The following COG5 variants were observed in gnomAD, a reference collection of about 807,000 sequenced individuals.
COG5 encodes component of oligomeric golgi complex 5, also known as conserved oligomeric Golgi complex subunit 5.
A neutral mutation model predicts 110.4 loss-of-function variants in COG5; 86 were observed. The observed-to-expected ratio is 0.78, with a 90% CI of 0.65 to 0.93. The LOEUF is 0.93. COG5 is among the 40% of genes least tolerant of loss of function. The pLI, the probability that COG5 is intolerant of heterozygous loss-of-function variation, is 0.00. For missense variants in COG5, 1,077 were observed against 987.0 expected (o/e 1.09, Z -1.22); for synonymous variants, 360 against 334.6 (o/e 1.08, Z -0.83).
intron 6 of COG5, among the ~76,000 whole-genome samples, chr7:107,429,385 A>AC (rs757439381): frequency 1.3e-5 from 2 of 151,530 alleles, no homozygotes; most frequent in Non-Finnish European, 2.9e-5. Context: ...AATGATACTG[A>AC]CCACCTTTTC....
chr7:107,528,246 C>CA (rs550296999), intron 5 of COG5, among the ~76,000 whole-genome samples: 52 of 152,176 alleles, frequency 3.4e-4, no homozygotes, highest in African/African-American at 1.2e-3. Context: ...CGTGTGCCAC[C>CA]ATGCCTGGCT....
rs543666950 is a variant in COG5, at chr7:107,354,478, A to G, written c.1026+7555T>C. 5.9e-4 allele frequency among the ~76,000 whole-genome samples: 90 copies of G among 152,076 alleles called. 1 individual carries two copies. The highest frequency in any genetic ancestry group is 1.1e-3 in the Non-Finnish European group (77 of 67,898). ...CGGATCATGAGGTCAGGAGTTCGAG[A>G]CCAGTCCTACCCATATGGTGAAACT... On this transcript the variant is annotated intron_variant, in intron 10 of 21. Coordinates refer to ENST00000297135, the MANE Select transcript of COG5 (RefSeq NM_006348.5).
chr7:107,526,727 A>AC (rs1161673809), intron 6 of COG5, among the ~76,000 whole-genome samples: 1 of 152,256 alleles, frequency 6.6e-6, no homozygotes, highest in East Asian at 1.9e-4. Flanking sequence ...AACTATTAGT[A>AC]CACCCCAAAA....
chr7:107,412,750 C>A, intron 6 of COG5, 118 bp from the exon 7 acceptor site: 1 of 661,742 alleles, frequency 1.5e-6, no homozygotes, highest in Non-Finnish European at 2.5e-6. Context: ...AACAGGGTTG[C>A]CATTCAAAAT....
intron 1 of COG5, 79 bp from the exon 2 acceptor site, chr7:107,558,194 T>C: frequency 1.4e-6 from 2 of 1,438,242 alleles, no homozygotes; most frequent in Non-Finnish European, 1.9e-6. Flanking sequence ...ACAATTATAA[T>C]CATAATTAAC....
At chr7:107,531,887 C>T (rs1472512784) in intron 5 of COG5, among the ~76,000 whole-genome samples, 1 of 152,038 alleles carries the variant, frequency 6.6e-6, no homozygotes, top group East Asian at 1.9e-4. Flanking sequence ...TCACCCAAAG[C>T]CTATTCAAGT....
intron 6 of COG5, among the ~76,000 whole-genome samples, chr7:107,497,211 G>A (rs770954124): frequency 1.8e-4 from 27 of 152,106 alleles, no homozygotes; most frequent in Admixed American, 7.2e-4. Context: ...GCAAGGCCCT[G>A]TCTCTACAAA....
At chr7:107,507,114 T>C (rs1007424380) in intron 6 of COG5, among the ~76,000 whole-genome samples, 9 of 152,150 alleles carry the variant, frequency 5.9e-5, no homozygotes, top group Non-Finnish European at 1.2e-4. Context: ...CAGGTTCCCC[T>C]GTAGGGGTGT....
At chr7:107,347,397 T>A (rs1007099541) in intron 10 of COG5, among the ~76,000 whole-genome samples, 1 of 152,164 alleles carries the variant, frequency 6.6e-6, no homozygotes, top group East Asian at 1.9e-4. Flanking sequence ...CAAGAAGATA[T>A]CACCCTTAAA....
At chr7:107,206,846 T>C (rs927614409) in intron 21 of COG5, among the ~76,000 whole-genome samples, 11 of 152,196 alleles carry the variant, frequency 7.2e-5, no homozygotes, top group Non-Finnish European at 1.2e-4. Flanking sequence ...TAGAGCAAGA[T>C]TTTCGAGTAC....
At chr7:107,478,004 G>A (rs1329031555) in intron 6 of COG5, among the ~76,000 whole-genome samples, 1 of 151,752 alleles carries the variant, frequency 6.6e-6, no homozygotes, top group Non-Finnish European at 1.5e-5. Context: ...ACTCAATATG[G>A]GACCTTTCTT....
At chr7:107,255,152 TG>T in intron 16 of COG5, among the ~76,000 whole-genome samples, 1 of 152,216 alleles carries the variant, frequency 6.6e-6, no homozygotes, top group Non-Finnish European at 1.5e-5. Context: ...GAAAAAAATG[TG>T]GAATTATAGA....
At chr7:107,227,362 T>C (rs920339531) in intron 19 of COG5, among the ~76,000 whole-genome samples, 6 of 152,126 alleles carry the variant, frequency 3.9e-5, no homozygotes, top group African/African-American at 1.4e-4. Context: ...TTACTGTGGG[T>C]CATGGTCAAA....
At chr7:107,548,990 CT>C (rs1243861186) in intron 3 of COG5, among the ~76,000 whole-genome samples, 1 of 152,116 alleles carries the variant, frequency 6.6e-6, no homozygotes, top group African/African-American at 2.4e-5. Flanking sequence ...GCATAGTATT[CT>C]ATTAATATCT....
Position 107,474,383 on chromosome 7 carries a change from A to C in COG5, c.538+52854T>G. On this transcript the variant is annotated intron_variant, in intron 6 of 21. Coordinates refer to ENST00000297135, the MANE Select transcript of COG5 (RefSeq NM_006348.5). This position sits in a 1 kb window ranked among gnomAD's most constrained non-coding sequence, Gnocchi z 5.7. ...ATAGTTATCCTTCTGCTTTCACTGG[A>C]GAGTAACACTGCTCTCATTTGCTGT... 1 of 1,612,778 alleles carries C rather than the reference A, an allele frequency of 6.2e-7. No homozygotes were observed. The highest frequency in any genetic ancestry group is 8.5e-7 in the Non-Finnish European group (1 of 1,179,030).
intron 14 of COG5, among the ~76,000 whole-genome samples, chr7:107,264,882 G>A (rs1803675111): frequency 1.3e-5 from 2 of 152,220 alleles, no homozygotes; most frequent in South Asian, 4.1e-4. Flanking sequence ...AGGAGCTAAA[G>A]TGACACTGTG....
chr7:107,562,812 T>C (rs114056898), intron 1 of COG5, among the ~76,000 whole-genome samples: 1,590 of 152,326 alleles, frequency 0.01, 17 homozygotes, highest in African/African-American at 0.037. Context: ...TTTGGAACTT[T>C]ATTTCATTTA....
chr7:107,232,483 T>C (rs1258126716), intron 18 of COG5, among the ~76,000 whole-genome samples: 1 of 152,196 alleles, frequency 6.6e-6, no homozygotes, highest in Admixed American at 6.5e-5. Context: ...ACTACTCTAG[T>C]GGAATCACTG....
intron 6 of COG5, among the ~76,000 whole-genome samples, chr7:107,446,006 TG>T (rs1794986267): frequency 6.6e-6 from 1 of 152,126 alleles, no homozygotes; most frequent in South Asian, 2.1e-4. Flanking sequence ...TAGTGCCCCT[TG>T]CAAAAAAGGC....
Sources: allele counts gnomAD v4.1 joint callset (sites outside exome capture counted in the v4.1 genomes callset), GRCh38; gene constraint gnomAD v4.1.1; non-coding constraint Gnocchi (gnomAD v3.1); transcripts MANE v1.5; gene names NCBI Gene and HGNC (gene_info 2026-07-23, HGNC 2026-07-21).